AXIN1: variants seen among roughly 807,000 people sequenced by gnomAD.
The protein encoded by AXIN1 is axin-1.
A neutral mutation model predicts 76.4 loss-of-function variants in AXIN1; 30 were observed. That is an observed-to-expected ratio of 0.39 (90% CI 0.29 to 0.53). The LOEUF is 0.53. AXIN1 is among the 20% of genes least tolerant of loss of function. AXIN1 has a pLI of 0.66. For synonymous variants in AXIN1, 545 were observed against 501.4 expected (o/e 1.09, Z -1.16); for missense variants, 1,140 against 1,198.8 (o/e 0.95, Z 0.72).
intron 7 of AXIN1, 55 bp downstream of exon 7, chr16:297,001 A>G (rs2141501286): frequency 6.3e-7 from 1 of 1,587,368 alleles, no homozygotes. Context: ...GACTGTGCGG[A>G]GGCCAGGGGT....
At chr16:338,958 G>A (rs189096991) in intron 2 of AXIN1, among the ~76,000 whole-genome samples, 246 of 150,638 alleles carry the variant, frequency 1.6e-3, no homozygotes, top group South Asian at 7.0e-3. Flanking sequence ...GCAAGCTGGT[G>A]CTGTGGGGAC....
At chr16:327,356 G>A (rs2053606166) in intron 2 of AXIN1, among the ~76,000 whole-genome samples, 1 of 152,162 alleles carries the variant, frequency 6.6e-6, no homozygotes, top group Non-Finnish European at 1.5e-5. Context: ...GTCACTCAGG[G>A]TGGCAGACAC....
rs2141486283 is a variant in AXIN1, at chr16:293,625, C to T, written c.2049G>A (p.Val683=). 6.2e-7 allele frequency: 1 copy of T among 1,613,452 alleles called. No homozygotes were observed. The highest frequency in any genetic ancestry group is 8.5e-7 in the Non-Finnish European group (1 of 1,179,984). ...PWAGPQLRTS[V]QPSHLFIQDP... is the part of the protein sequence containing the mutation. ...CTTGGATGAAGAGGTGGGAGGGCTG[C>T]ACGGAGGTCCGGAGCTGAGGGCCGG... The change falls in exon 8 of 11, where the codon GTG becomes GTA. Residue 683 remains valine, a synonymous_variant. Transcript: ENST00000262320. This position sits in a 1 kb window ranked among gnomAD's most constrained non-coding sequence, Gnocchi z 4.6.
Position 336,251 on chromosome 16 carries a change from T to G in AXIN1, c.878+9897A>C, listed in dbSNP as rs1055357779. Reference sequence around the variant, plus strand: ...ACTCCGTCTCAAAAAAGAAAATGATTGACCCACTTGGCTCAGAAGTGAAAG... The same window carrying G: ...ACTCCGTCTCAAAAAAGAAAATGATGGACCCACTTGGCTCAGAAGTGAAAG... On this transcript the variant is annotated intron_variant, in intron 2 of 10. Transcript: ENST00000262320. Among the ~76,000 whole-genome samples, 6 of 152,202 alleles carry G rather than the reference T, an allele frequency of 3.9e-5. No individual in the cohort carries two copies. In the East Asian group the frequency reaches 1.2e-3, roughly 29 times the overall value.
Position 326,609 on chromosome 16 carries a change from G to A in AXIN1, c.879-11926C>T, listed in dbSNP as rs533290762. 1.1e-3 allele frequency among the ~76,000 whole-genome samples: 170 copies of A among 150,534 alleles called. 1 individual carries two copies. Among genetic ancestry groups the A allele is most frequent in the Middle Eastern group, 3.4e-3 (1 of 294 alleles). On this transcript the variant is annotated intron_variant, in intron 2 of 10. Coordinates refer to ENST00000262320, the MANE Select transcript of AXIN1 (RefSeq NM_003502.4). ...TAAAAATACAAAAAATTAGCTGGGC[G>A]TGGTGGCACGCCTGTAGTCCCAGCT...
Position 287,984 on chromosome 16 carries a change from C to A in AXIN1, c.*138G>T. 6.9e-7 allele frequency: 1 copy of A among 1,455,444 alleles called. No homozygotes were observed. The allele number at this position is 1,455,444 out of a possible 1,614,324, so 90.2% of individuals were successfully genotyped here. On this transcript the variant is annotated 3_prime_UTR_variant, in exon 11 of 11. Transcript: ENST00000262320. ...GAGGGACCCCCTACCTGCCTCTAGA[C>A]ACGGGTAGACCACAGGGATGGGTGG...
intron 10 of AXIN1, 61 bp downstream of exon 10, chr16:289,379 T>G: frequency 3.7e-6 from 6 of 1,602,206 alleles, no homozygotes; most frequent in Non-Finnish European, 3.4e-6. Flanking sequence ...ACCCTCTTTT[T>G]CATACCGTTG....
chr16:293,639 G>A lies in AXIN1; in HGVS notation c.2035C>T (p.Leu679Phe), dbSNP rs141628516. 5 of 1,613,622 alleles carry A rather than the reference G, an allele frequency of 3.1e-6. No individual in the cohort carries two copies. The African/African-American group carries it at 5.3e-5, about 17-fold the overall frequency. Reference protein sequence around the residue: ...SLEHPWAGPQLRTSVQPSHLF... With the variant: ...SLEHPWAGPQFRTSVQPSHLF... ...TGGGAGGGCTGCACGGAGGTCCGGA[G>A]CTGAGGGCCGGCCCAGGGGTGCTCA... Residue 679 changes from leucine to phenylalanine, a missense_variant, in exon 8 of 11, where the codon CTC (leucine) becomes TTC (phenylalanine). Coordinates refer to ENST00000262320, the MANE Select transcript of AXIN1 (RefSeq NM_003502.4). The surrounding 1 kb of genome is among the most constrained non-coding windows in gnomAD (Gnocchi z 4.6).
At chr16:332,302 G>A (rs1296963958) in intron 2 of AXIN1, among the ~76,000 whole-genome samples, 1 of 152,208 alleles carries the variant, frequency 6.6e-6, no homozygotes, top group Non-Finnish European at 1.5e-5. Context: ...GCCAGGCTGG[G>A]CGCGGTGGCT....
At chr16:315,477 T>C (rs2053278399) in intron 2 of AXIN1, among the ~76,000 whole-genome samples, 1 of 152,238 alleles carries the variant, frequency 6.6e-6, no homozygotes, top group Non-Finnish European at 1.5e-5. Context: ...CTAAATGTCA[T>C]TTTTCTTTTT....
chr16:332,972 G>T (rs1386346538), intron 2 of AXIN1, among the ~76,000 whole-genome samples: 1 of 152,106 alleles, frequency 6.6e-6, no homozygotes, highest in Non-Finnish European at 1.5e-5. Context: ...AGTGCTCAAG[G>T]CCTGGAGCTT....
At chr16:309,770 C>T (rs2053125447) in intron 4 of AXIN1, among the ~76,000 whole-genome samples, 1 of 152,240 alleles carries the variant, frequency 6.6e-6, no homozygotes. Context: ...TCCCTCTGGG[C>T]CCTAAATGCT....
At chr16:313,091 C>T (rs56354847) in intron 3 of AXIN1, among the ~76,000 whole-genome samples, 22,303 of 151,588 alleles carry the variant, frequency 0.15, 1,707 homozygotes, top group South Asian at 0.22. Flanking sequence ...GTGGGTGCAC[C>T]GTTTGAGCCT....
intron 3 of AXIN1, among the ~76,000 whole-genome samples, chr16:312,087 T>G (rs2053196621): frequency 6.6e-6 from 1 of 152,186 alleles, no homozygotes; most frequent in Non-Finnish European, 1.5e-5. Flanking sequence ...GCCACCAACC[T>G]ACTGGTTTCT....
intron 2 of AXIN1, among the ~76,000 whole-genome samples, chr16:329,908 C>T (rs902759295): frequency 6.6e-6 from 1 of 151,810 alleles, no homozygotes; most frequent in African/African-American, 2.4e-5. Context: ...GCTGGGATAA[C>T]AGGCGTGAGC....
At chr16:289,739 T>G in intron 9 of AXIN1, 132 bp from the exon 10 acceptor site, 1 of 1,129,492 alleles carries the variant, frequency 8.9e-7, no homozygotes, top group Non-Finnish European at 1.3e-6. Context: ...TTCAAACACC[T>G]GGGGCCCGCA....
intron 2 of AXIN1, among the ~76,000 whole-genome samples, chr16:333,859 A>G (rs894112429): frequency 2.8e-5 from 4 of 144,802 alleles, no homozygotes; most frequent in African/African-American, 1.0e-4. Flanking sequence ...ACCCAGTACC[A>G]TGGCACCCAA....
At chr16:309,210 C>G (rs1187076452) in intron 4 of AXIN1, among the ~76,000 whole-genome samples, 1 of 151,858 alleles carries the variant, frequency 6.6e-6, no homozygotes, top group Non-Finnish European at 1.5e-5. Context: ...GGCGCCTGTA[C>G]TCCCAGCTAC....
intron 2 of AXIN1, among the ~76,000 whole-genome samples, chr16:344,034 G>C (rs1483046240): frequency 6.7e-6 from 1 of 150,102 alleles, no homozygotes. Context: ...AAGAAAGAAA[G>C]AAACTCTCAG....
Sources: gnomAD v4.1 joint callset for allele counts (sites outside exome capture counted in the v4.1 genomes callset) on GRCh38, gnomAD v4.1.1 for gene constraint, Gnocchi (gnomAD v3.1) non-coding constraint, MANE v1.5 for transcripts, NCBI Gene and HGNC (gene_info 2026-07-23, HGNC 2026-07-21) for gene names.